EMP2: variants seen among roughly 807,000 people sequenced by gnomAD.
EMP2 encodes the protein epithelial membrane protein 2.
Under a neutral mutation model 13.7 loss-of-function variants are expected in EMP2, and 19 were observed. The ratio of observed to expected loss-of-function variants is 1.38; its 90% CI spans 0.97 to 2.03. The LOEUF (loss-of-function observed/expected upper bound fraction) is 2.03, where lower values mean the gene tolerates loss of function less well. EMP2 is among the 30% of genes most tolerant of loss of function. The pLI is 0.00. For missense variants in EMP2, 253 were observed against 220.7 expected (o/e 1.15, Z -0.93); for synonymous variants, 97 against 84.7 (o/e 1.15, Z -0.80).
At chr16:10,552,566 C>T (rs1437790899) in intron 1 of EMP2, among the ~76,000 whole-genome samples, 1 of 152,136 alleles carries the variant, frequency 6.6e-6, no homozygotes, top group Admixed American at 6.5e-5. Flanking sequence ...GAAAACAGAT[C>T]TTTGGTTAAA....
At chr16:10,539,273 T>G (rs74931700) in intron 3 of EMP2, among the ~76,000 whole-genome samples, 1,848 of 152,304 alleles carry the variant, frequency 0.012, 37 homozygotes, top group African/African-American at 0.042. Context: ...TTCCTTCAAT[T>G]TTGCAGTTTT....
At chr16:10,565,584 T>C (rs1022394912) in intron 1 of EMP2, among the ~76,000 whole-genome samples, 8 of 152,180 alleles carry the variant, frequency 5.3e-5, no homozygotes, top group African/African-American at 1.9e-4. Context: ...ATGCACCCCT[T>C]TGGTTTCTCT....
intron 1 of EMP2, among the ~76,000 whole-genome samples, chr16:10,564,453 T>C (rs572736785): frequency 7.2e-6 from 1 of 138,092 alleles, no homozygotes; most frequent in Non-Finnish European, 1.5e-5. Context: ...ATTGCGCCAC[T>C]GCACTCCAGC....
rs1567199130 is a variant in EMP2 at position 10,532,765 on chromosome 16, T to TTTTC, written c.*139_*140insGAAA. On this transcript the variant is annotated 3_prime_UTR_variant, in exon 5 of 5. Transcript: ENST00000359543. ...ATTTTTTTTTTCTTTTTTCTTTTTT[T>TTTTC]TTTTTTTTTTTTTTTTTTTTTGGCT... The TTTTC allele has an allele frequency of 7.5e-4, 189 of 251,944 alleles. 7 individuals carry two copies. The highest frequency in any genetic ancestry group is 5.7e-3 in the African/African-American group (182 of 31,860). 15.6% of individuals were successfully genotyped at this position (251,944 alleles called of 1,614,324 possible). A position where few individuals can be genotyped will look rare whatever the true frequency, so the allele number is the denominator to read the frequency against.
chr16:10,533,156 G>T, intron 4 of EMP2, 64 bp from the exon 5 acceptor site: 2 of 1,341,016 alleles, frequency 1.5e-6, no homozygotes, highest in South Asian at 2.1e-5. Context: ...GGTAGCCCAG[G>T]GGCATACGGC....
chr16:10,530,008 T>G lies in EMP2; in HGVS notation c.*2897A>C, dbSNP rs1021513141. ...CAAGGTAGAAAGTTTCAAGGGAACT[T>G]AAGATTCAACTTCCTCCATGAGCTT... is the stretch of plus-strand genomic sequence containing the variant. On this transcript the variant is annotated 3_prime_UTR_variant, in exon 5 of 5. Coordinates refer to ENST00000359543, the MANE Select transcript of EMP2 (RefSeq NM_001424.6). 1 of 151,606 alleles carries G rather than the reference T, an allele frequency of 6.6e-6. No individual in the cohort carries two copies. The highest frequency in any genetic ancestry group is 1.5e-5 in the Non-Finnish European group (1 of 67,920). 9.4% of individuals were successfully genotyped at this position (151,606 alleles called of 1,614,324 possible). A position where few individuals can be genotyped will look rare whatever the true frequency, so the allele number is the denominator to read the frequency against.
rs114570072 is a variant in EMP2, at chr16:10,576,188, A to G, written c.-61+4361T>C. On this transcript the variant is annotated intron_variant, in intron 1 of 4. Coordinates refer to ENST00000359543, the MANE Select transcript of EMP2 (RefSeq NM_001424.6). ...TACATTTTTTCCCCCAATACCAATC[A>G]AGAAGAAGACATAATTATTCTTTTC... Among the ~76,000 whole-genome samples the G allele has an allele frequency of 7.0e-3, 1,065 of 152,196 alleles. 9 individuals are homozygous for G. Among genetic ancestry groups the G allele is most frequent in the African/African-American group, 0.024 (1,006 of 41,522 alleles).
chr16:10,575,621 A>C (rs1290287884), intron 1 of EMP2, among the ~76,000 whole-genome samples: 1 of 152,058 alleles, frequency 6.6e-6, no homozygotes, highest in Admixed American at 6.5e-5. Flanking sequence ...CTGTATTGCC[A>C]AAGCCTGCAG....
intron 1 of EMP2, among the ~76,000 whole-genome samples, chr16:10,550,114 G>A (rs1473250584): frequency 6.6e-6 from 1 of 152,004 alleles, no homozygotes; most frequent in Non-Finnish European, 1.5e-5. Flanking sequence ...TCGAACTCCT[G>A]ACCTCAGGTG....
At chr16:10,542,810 G>A (rs188042998) in intron 3 of EMP2, among the ~76,000 whole-genome samples, 1 of 152,314 alleles carries the variant, frequency 6.6e-6, no homozygotes, top group East Asian at 1.9e-4. Flanking sequence ...CCAATGCAAG[G>A]CTACACAGCT....
chr16:10,560,248 G>C (rs908805532), intron 1 of EMP2, among the ~76,000 whole-genome samples: 1 of 152,138 alleles, frequency 6.6e-6, no homozygotes, highest in Admixed American at 6.6e-5. Context: ...CCACATCCTG[G>C]GAACATGCTT....
intron 1 of EMP2, among the ~76,000 whole-genome samples, chr16:10,573,395 T>C (rs770823431): frequency 2.0e-5 from 3 of 152,186 alleles, no homozygotes; most frequent in Admixed American, 2.0e-4. Flanking sequence ...AAACACATTA[T>C]GTTCATTGGC....
At position 10,541,831 on chromosome 16, in the gene EMP2, C is replaced by T. The variant is rs142365685; in HGVS notation, c.169+1739G>A. Among the ~76,000 whole-genome samples, 773 of 152,294 alleles carry T rather than the reference C, an allele frequency of 5.1e-3. 4 individuals are homozygous for T. The highest frequency in any genetic ancestry group is 0.02 in the Middle Eastern group (6 of 294). On this transcript the variant is annotated intron_variant, in intron 3 of 4. Coordinates refer to ENST00000359543, the MANE Select transcript of EMP2 (RefSeq NM_001424.6). ...ACTTAACTGCTCTCTGCCTCAGTTT[C>T]CCCATCTTAAAATGGGGCCTATGGT...
intron 4 of EMP2, among the ~76,000 whole-genome samples, chr16:10,535,173 C>G (rs190172527): frequency 3.0e-4 from 45 of 152,152 alleles, no homozygotes; most frequent in African/African-American, 1.1e-3. Context: ...TCTAAAGATC[C>G]CTGCCTGATA....
intron 1 of EMP2, among the ~76,000 whole-genome samples, chr16:10,574,726 A>G (rs1441554039): frequency 6.7e-6 from 1 of 149,796 alleles, no homozygotes; most frequent in Non-Finnish European, 1.5e-5. Flanking sequence ...AATTTTTTGT[A>G]TTTTTAGTAG....
chr16:10,558,833 G>C lies in EMP2; in HGVS notation c.-60-11156C>G, dbSNP rs11865118. Among the ~76,000 whole-genome samples, 358 of 152,210 alleles carry C rather than the reference G, an allele frequency of 2.4e-3. 2 individuals carry two copies. Among genetic ancestry groups the C allele is most frequent in the African/African-American group, 8.3e-3 (345 of 41,526 alleles). ...AGCTGGCTTCCCGCGGAGAGAGAAC[G>C]TGCTGTTAAGATGACCGCTCCGTCC... is the stretch of plus-strand genomic sequence containing the variant. On this transcript the variant is annotated intron_variant, in intron 1 of 4. Coordinates refer to ENST00000359543, the MANE Select transcript of EMP2 (RefSeq NM_001424.6).
intron 1 of EMP2, among the ~76,000 whole-genome samples, chr16:10,549,729 T>TCACACACACACACACACA (rs71402494): frequency 1.3e-5 from 2 of 149,558 alleles, no homozygotes; most frequent in African/African-American, 4.9e-5. Context: ...ACACACACAC[T>TCACACACACACACACACA]CACACACACA....
At chr16:10,537,600 G>A (rs1288418560) in intron 4 of EMP2, among the ~76,000 whole-genome samples, 2 of 152,078 alleles carry the variant, frequency 1.3e-5, no homozygotes, top group Non-Finnish European at 2.9e-5. Flanking sequence ...CCAGGACACT[G>A]TTCCCTCCTC....
rs1567199104 is a variant in EMP2 at position 10,532,758 on chromosome 16, C to CTTTTTCTTTTTTTTTTTTTTTTTTTTT, written c.*146_*147insAAAAAAAAAAAAAAAAAAAAAGAAAAA. On this transcript the variant is annotated 3_prime_UTR_variant, in exon 5 of 5. Coordinates refer to ENST00000359543, the MANE Select transcript of EMP2 (RefSeq NM_001424.6). Reference sequence around the variant, plus strand: ...CTTTTGGATTTTTTTTTTCTTTTTTCTTTTTTTTTTTTTTTTTTTTTTTTT... The same window carrying CTTTTTCTTTTTTTTTTTTTTTTTTTTT: ...CTTTTGGATTTTTTTTTTCTTTTTTCTTTTTCTTTTTTTTTTTTTTTTTTTTTTTTTTTTTTTTTTTTTTTTTTTTTT... 4.4e-5 allele frequency: 8 copies of CTTTTTCTTTTTTTTTTTTTTTTTTTTT among 182,526 alleles called. No homozygotes were observed. The highest frequency in any genetic ancestry group is 1.5e-4 in the Admixed American group (1 of 6,506). 11.3% of individuals were successfully genotyped at this position (182,526 alleles called of 1,614,324 possible).
Sources: allele counts gnomAD v4.1 joint callset (sites outside exome capture counted in the v4.1 genomes callset), GRCh38; gene constraint gnomAD v4.1.1; transcripts MANE v1.5; gene names NCBI Gene and HGNC (gene_info 2026-07-23, HGNC 2026-07-21).